The following SLC9A9 variants were observed in gnomAD, a reference collection of about 807,000 sequenced individuals.
The protein encoded by SLC9A9 is sodium/hydrogen exchanger 9.
SLC9A9 carries 62 observed loss-of-function variants against 77.8 expected under a neutral mutation model. The ratio of observed to expected loss-of-function variants is 0.80; its 90% CI spans 0.65 to 0.98. The LOEUF (loss-of-function observed/expected upper bound fraction) is 0.98. SLC9A9 is among the 50% of genes least tolerant of loss of function. The pLI, the probability that SLC9A9 is intolerant of heterozygous loss-of-function variation, is 0.00. For missense variants in SLC9A9, 775 were observed against 774.9 expected (o/e 1.00, Z 0.00); for synonymous variants, 320 against 283.5 (o/e 1.13, Z -1.29).
intron 3 of SLC9A9, among the ~76,000 whole-genome samples, chr3:143,795,645 T>C (rs921894000): frequency 6.6e-6 from 1 of 152,176 alleles, no homozygotes; most frequent in South Asian, 2.1e-4. Flanking sequence ...AGGAAGATTG[T>C]TTGAGTACAG....
chr3:143,319,249 G>A (rs9871173), intron 14 of SLC9A9, among the ~76,000 whole-genome samples: 3,411 of 152,236 alleles, frequency 0.022, 63 homozygotes, highest in Non-Finnish European at 0.037. Context: ...GGTCCTCAAG[G>A]TGCGCCCCAA....
In SLC9A9 at chr3:143,427,390, A is replaced by C. The variant is rs147431078; in HGVS notation, c.1469+39647T>G. Among the ~76,000 whole-genome samples, 792 of 152,372 alleles carry C rather than the reference A, an allele frequency of 5.2e-3. 5 individuals are homozygous for C. The highest frequency in any genetic ancestry group is 0.018 in the African/African-American group (754 of 41,582). On this transcript the variant is annotated intron_variant, in intron 12 of 15. Transcript: ENST00000316549. ...TCAAGCTACTTTCCACATATTTAAA[A>C]AACTATTCTGAAATCATCTTCCTGT...
At chr3:143,524,438 G>A (rs2036369031) in intron 9 of SLC9A9, among the ~76,000 whole-genome samples, 1 of 152,148 alleles carries the variant, frequency 6.6e-6, no homozygotes, top group African/African-American at 2.4e-5. Context: ...AATATGCAGA[G>A]AGAGAAACAG....
chr3:143,735,857 G>A (rs1934928256), intron 4 of SLC9A9, among the ~76,000 whole-genome samples: 1 of 152,208 alleles, frequency 6.6e-6, no homozygotes, highest in African/African-American at 2.4e-5. Flanking sequence ...GTGACATTGA[G>A]CAAGCTACTT....
At chr3:143,638,717 G>C (rs1482471953) in intron 6 of SLC9A9, among the ~76,000 whole-genome samples, 1 of 152,210 alleles carries the variant, frequency 6.6e-6, no homozygotes, top group Non-Finnish European at 1.5e-5. Flanking sequence ...GCTGGCAAGG[G>C]TGTCAGGCCC....
intron 6 of SLC9A9, among the ~76,000 whole-genome samples, chr3:143,581,463 CCTTT>C (rs1248977689): frequency 1.3e-5 from 2 of 151,938 alleles, no homozygotes; most frequent in South Asian, 2.1e-4. Flanking sequence ...TCTCCTTATC[CCTTT>C]CTCTCTCCTT....
intron 13 of SLC9A9, among the ~76,000 whole-genome samples, chr3:143,378,529 G>A (rs527605859): frequency 6.6e-6 from 1 of 152,308 alleles, no homozygotes; most frequent in South Asian, 2.1e-4. Flanking sequence ...ATGGGAGTGA[G>A]TACGATCAAA....
chr3:143,446,807 A>G (rs377024336), intron 12 of SLC9A9, among the ~76,000 whole-genome samples: 1 of 152,308 alleles, frequency 6.6e-6, no homozygotes, highest in South Asian at 2.1e-4. Context: ...GGAAGAAGAA[A>G]TAGGTGGTGT....
At chr3:143,529,130 T>C (rs2036460305) in intron 9 of SLC9A9, among the ~76,000 whole-genome samples, 1 of 152,090 alleles carries the variant, frequency 6.6e-6, no homozygotes, top group African/African-American at 2.4e-5. Context: ...TGCTTGAGGG[T>C]AGAGACGCAG....
intron 9 of SLC9A9, among the ~76,000 whole-genome samples, chr3:143,530,774 G>A (rs903931211): frequency 1.1e-4 from 16 of 152,218 alleles, no homozygotes; most frequent in African/African-American, 3.6e-4. Context: ...TCACTGTTCT[G>A]TCAAGATGGG....
At chr3:143,804,481 G>A (rs1044810430) in intron 2 of SLC9A9, among the ~76,000 whole-genome samples, 1 of 152,124 alleles carries the variant, frequency 6.6e-6, no homozygotes, top group African/African-American at 2.4e-5. Context: ...TGCCGCCCTA[G>A]CTGGATCCCT....
chr3:143,735,925 T>G (rs1218454572), intron 4 of SLC9A9, among the ~76,000 whole-genome samples: 1 of 152,206 alleles, frequency 6.6e-6, no homozygotes, highest in Non-Finnish European at 1.5e-5. Flanking sequence ...ATTTTCAGAT[T>G]TTTTTTCCAG....
chr3:143,801,161 C>T (rs2008541702), intron 2 of SLC9A9, among the ~76,000 whole-genome samples: 1 of 152,192 alleles, frequency 6.6e-6, no homozygotes, highest in South Asian at 2.1e-4. Context: ...CTAGCTCTCC[C>T]TGACTCATCC....
At chr3:143,406,035 A>G (rs2033971983) in intron 12 of SLC9A9, among the ~76,000 whole-genome samples, 1 of 152,228 alleles carries the variant, frequency 6.6e-6, no homozygotes, top group Non-Finnish European at 1.5e-5. Flanking sequence ...TGCTTAATTG[A>G]TGTTTTACAA....
At chr3:143,443,664 G>A (rs1442776776) in intron 12 of SLC9A9, among the ~76,000 whole-genome samples, 1 of 152,176 alleles carries the variant, frequency 6.6e-6, no homozygotes, top group African/African-American at 2.4e-5. Context: ...CAAAGCATAC[G>A]TAGAGCTGGG....
intron 9 of SLC9A9, among the ~76,000 whole-genome samples, chr3:143,535,163 A>G (rs2036572411): frequency 6.6e-6 from 1 of 152,236 alleles, no homozygotes; most frequent in Non-Finnish European, 1.5e-5. Flanking sequence ...AACATTCAGG[A>G]AAGAATAACT....
chr3:143,545,565 G>C (rs2036773479), intron 9 of SLC9A9, among the ~76,000 whole-genome samples: 1 of 152,172 alleles, frequency 6.6e-6, no homozygotes, highest in Non-Finnish European at 1.5e-5. Flanking sequence ...TTCAAAAGCT[G>C]TAAGGTCTTC....
Position 143,652,277 on chromosome 3 carries a change from C to T in SLC9A9, c.733G>A (p.Ala245Thr), listed in dbSNP as rs1419835470. 1.2e-6 allele frequency: 2 copies of T among 1,613,046 alleles called. No individual in the cohort carries two copies. Among genetic ancestry groups the T allele is most frequent in the African/African-American group, 2.7e-5 (2 of 74,914 alleles). ...LLFGESVLND[A>T]VAIVLTYSIS... is the part of the protein sequence containing the mutation. ...TACTATGTAAGGACTATGGCCACTGCATCATTCAACACACTCTCTCCAAAC... is the reference window on the plus strand; with the variant it reads ...TACTATGTAAGGACTATGGCCACTGTATCATTCAACACACTCTCTCCAAAC... The change falls in exon 6 of 16, where the codon GCA (alanine) becomes ACA (threonine). Residue 245 changes from alanine to threonine, a missense_variant. Ala to Thr is a moderately conservative substitution (Grantham distance 58, BLOSUM62 0). Transcript: ENST00000316549.
At chr3:143,506,858 T>C (rs150563021) in intron 9 of SLC9A9, among the ~76,000 whole-genome samples, 1 of 152,116 alleles carries the variant, frequency 6.6e-6, no homozygotes, top group East Asian at 1.9e-4. Flanking sequence ...CTAAAGAAAA[T>C]TGCCTAGTTG....
Sources: allele counts gnomAD v4.1 joint callset (sites outside exome capture counted in the v4.1 genomes callset), GRCh38; gene constraint gnomAD v4.1.1; transcripts MANE v1.5; gene names NCBI Gene and HGNC (gene_info 2026-07-23, HGNC 2026-07-21).